The following EPHA5 variants were observed in gnomAD, a reference collection of about 807,000 sequenced individuals.
The protein encoded by EPHA5 is EPH receptor A5.
A neutral mutation model predicts 105.0 loss-of-function variants in EPHA5; 60 were observed. That is an observed-to-expected ratio of 0.57 (90% CI 0.46 to 0.71). The LOEUF is 0.71. Among genes scored for constraint, EPHA5 ranks in the 30% least tolerant of loss-of-function variants. The pLI, the probability that EPHA5 is intolerant of heterozygous loss-of-function variation, is 0.00. For synonymous variants in EPHA5, 513 were observed against 449.1 expected (o/e 1.14, Z -1.80); for missense variants, 1,218 against 1,274.7 (o/e 0.96, Z 0.68).
At chr4:65,566,936 T>C (rs926790286) in intron 3 of EPHA5, among the ~76,000 whole-genome samples, 1 of 151,668 alleles carries the variant, frequency 6.6e-6, no homozygotes, top group Non-Finnish European at 1.5e-5. Context: ...AGTGGGAATG[T>C]ATATTTATGC....
At chr4:65,643,253 C>G (rs958986673) in intron 2 of EPHA5, 110 bp downstream of exon 2, 6 of 838,592 alleles carry the variant, frequency 7.2e-6, no homozygotes, top group Admixed American at 4.4e-5. Flanking sequence ...ACACATAGCA[C>G]CTCCTGTCTT....
intron 13 of EPHA5, 79 bp downstream of exon 13, chr4:65,351,309 CT>C: frequency 7.6e-7 from 1 of 1,308,530 alleles, no homozygotes; most frequent in Non-Finnish European, 1.1e-6. Flanking sequence ...CAGGAATGCT[CT>C]TTTAGCTATT....
At chr4:65,373,147 A>G (rs1718655183) in intron 8 of EPHA5, among the ~76,000 whole-genome samples, 1 of 151,892 alleles carries the variant, frequency 6.6e-6, no homozygotes, top group Non-Finnish European at 1.5e-5. Flanking sequence ...GGATTTCTCA[A>G]TCTGAGGAGG....
chr4:65,386,041 T>A (rs536591866), intron 8 of EPHA5, among the ~76,000 whole-genome samples: 126 of 151,964 alleles, frequency 8.3e-4, no homozygotes, highest in African/African-American at 2.8e-3. Flanking sequence ...TTGGAAAATA[T>A]CAATTTAAAT....
chr4:65,510,379 T>C (rs757139472), intron 3 of EPHA5, among the ~76,000 whole-genome samples: 2 of 152,086 alleles, frequency 1.3e-5, no homozygotes, highest in Non-Finnish European at 2.9e-5. Context: ...TTTAATTTAC[T>C]AGTTTTTCTT....
At chr4:65,428,527 TGCAA>T in intron 5 of EPHA5, among the ~76,000 whole-genome samples, 2 of 152,126 alleles carry the variant, frequency 1.3e-5, no homozygotes, top group Admixed American at 6.5e-5. Context: ...CTTAAAAGCC[TGCAA>T]CTGGATCTTT....
intron 12 of EPHA5, 118 bp downstream of exon 12, chr4:65,352,924 A>T: frequency 4.1e-6 from 2 of 492,242 alleles, no homozygotes; most frequent in South Asian, 6.3e-5. Context: ...TGTTCTATTA[A>T]AAACTTAAGC....
chr4:65,365,820 G>T, intron 10 of EPHA5, 112 bp downstream of exon 10: 1 of 1,119,626 alleles, frequency 8.9e-7, no homozygotes, highest in Non-Finnish European at 1.3e-6. Flanking sequence ...CACTTTGAAT[G>T]CAAGCCAATT....
At chr4:65,340,298 G>C (rs1024214109) in intron 14 of EPHA5, among the ~76,000 whole-genome samples, 1 of 152,158 alleles carries the variant, frequency 6.6e-6, no homozygotes, top group Non-Finnish European at 1.5e-5. Context: ...TATATAGTCA[G>C]AGACTTCTGT....
At chr4:65,330,779 G>T (rs1720537896) in intron 16 of EPHA5, 2 of 1,025,604 alleles carry the variant, frequency 2.0e-6, no homozygotes, top group South Asian at 4.6e-5. Context: ...TTCCTTGAGT[G>T]TCCAAAGAAA....
rs1560571767 is a variant in EPHA5 at position 65,468,602 on chromosome 4, ATT to A, written c.1402+21773_1402+21774del. 1.9e-3 allele frequency among the ~76,000 whole-genome samples: 21 copies of A among 11,024 alleles called. No individual in the cohort carries two copies. In the East Asian group the frequency reaches 0.23, roughly 122 times the overall value. The allele number at this position is 11,024 out of a possible 152,430, so 7.2% of individuals were successfully genotyped here. A position where few individuals can be genotyped will look rare whatever the true frequency, so the allele number is the denominator to read the frequency against. ...TATGTAAAATATATATAATATATAT[ATT>A]ATATATATTATATATATATGTAAAA... On this transcript the variant is annotated intron_variant, in intron 5 of 16. Transcript: ENST00000613740.
chr4:65,598,894 C>A (rs1176593412), intron 3 of EPHA5, among the ~76,000 whole-genome samples: 1 of 151,978 alleles, frequency 6.6e-6, no homozygotes, highest in Non-Finnish European at 1.5e-5. Flanking sequence ...TGGAGCAAAA[C>A]CATGCAGCCT....
At chr4:65,409,977 G>C (rs2218847) in intron 7 of EPHA5, among the ~76,000 whole-genome samples, 147,557 of 152,284 alleles carry the variant, frequency 0.97, 71,695 homozygotes, top group East Asian at 1. Context: ...GAAAATGATA[G>C]AGCCGTTTTG....
In EPHA5 at chr4:65,420,545, C is replaced by A. The variant is rs780288067; in HGVS notation, c.1423G>T (p.Val475Leu). 1.9e-6 allele frequency: 3 copies of A among 1,612,858 alleles called. No individual in the cohort carries two copies. Among genetic ancestry groups the A allele is most frequent in the Non-Finnish European group, 2.5e-6 (3 of 1,179,398 alleles). ...NQAAPSPVTN[V>L]KKGKIAKNSI... ...TTTTTTGCAATTTTCCCTTTTTTCA[C>A]ATTGGTGACTGGAGATGGAGCTGCA... The change falls in exon 6 of 17, where the codon GTG (valine) becomes TTG (leucine). Residue 475 changes from valine (V) to leucine (L), a missense_variant. Val to Leu is a conservative substitution (Grantham distance 32, BLOSUM62 1). Around this residue, in one of 3 missense-constraint regions of EPHA5, gnomAD observed 971 missense variants for 1,013.5 expected, o/e 0.96. Coordinates refer to ENST00000613740, the MANE Select transcript of EPHA5 (RefSeq NM_001281766.3).
chr4:65,330,003 G>A (rs1009930481), intron 16 of EPHA5, among the ~76,000 whole-genome samples: 1 of 151,306 alleles, frequency 6.6e-6, no homozygotes, highest in Non-Finnish European at 1.5e-5. Flanking sequence ...AAAGGGCCTG[G>A]AGTTGCCCCA....
At chr4:65,357,896 G>T (rs1445410836) in intron 11 of EPHA5, among the ~76,000 whole-genome samples, 3 of 151,134 alleles carry the variant, frequency 2.0e-5, no homozygotes, top group Non-Finnish European at 4.4e-5. Flanking sequence ...TGGTGCTAAC[G>T]TCCATCACAA....
chr4:65,498,656 C>T (rs11737314), intron 3 of EPHA5, among the ~76,000 whole-genome samples: 44,891 of 151,494 alleles, frequency 0.3, 7,742 homozygotes, highest in Middle Eastern at 0.45. Context: ...AGTGGAAAAT[C>T]GTAAGAGTGA....
intron 3 of EPHA5, among the ~76,000 whole-genome samples, chr4:65,542,647 G>C (rs1447746344): frequency 1.3e-5 from 2 of 151,934 alleles, no homozygotes; most frequent in Non-Finnish European, 2.9e-5. Flanking sequence ...GAGGTACAAA[G>C]AGGAGCTGGC....
intron 1 of EPHA5, among the ~76,000 whole-genome samples, chr4:65,663,572 C>A (rs1265898108): frequency 6.6e-6 from 1 of 151,890 alleles, no homozygotes; most frequent in Non-Finnish European, 1.5e-5. Flanking sequence ...GTTTATTTTT[C>A]TTTGCACTAA....
Sources: allele counts gnomAD v4.1 joint callset (sites outside exome capture counted in the v4.1 genomes callset), GRCh38; gene constraint gnomAD v4.1.1; regional missense constraint gnomAD v4.1.1; transcripts MANE v1.5; gene names NCBI Gene and HGNC (gene_info 2026-07-23, HGNC 2026-07-21).